Variants in DOCK1 observed in about 807,000 individuals in gnomAD.
DOCK1 encodes the protein dedicator of cytokinesis protein 1.
DOCK1 carries 138 observed loss-of-function variants against 262.7 expected under a neutral mutation model. That is an observed-to-expected ratio of 0.53 (90% CI 0.46 to 0.61). The LOEUF (loss-of-function observed/expected upper bound fraction) is 0.61, where lower values mean the gene tolerates loss of function less well. Among genes scored for constraint, DOCK1 ranks in the 20% least tolerant of loss-of-function variants. The pLI, the probability that DOCK1 is intolerant of heterozygous loss-of-function variation, is 0.00. For synonymous variants in DOCK1, 866 were observed against 867.4 expected (o/e 1.00, Z 0.03); for missense variants, 1,908 against 2,370.7 (o/e 0.80, Z 4.05).
intron 26 of DOCK1, among the ~76,000 whole-genome samples, chr10:127,126,344 C>T (rs574473202): frequency 6.6e-6 from 1 of 152,240 alleles, no homozygotes; most frequent in East Asian, 1.9e-4. Flanking sequence ...ATCCACCTGC[C>T]TCGGCCTCCC....
chr10:127,378,342 G>A (rs935585468), intron 35 of DOCK1, among the ~76,000 whole-genome samples: 1 of 152,138 alleles, frequency 6.6e-6, no homozygotes, highest in Non-Finnish European at 1.5e-5. Flanking sequence ...TTGGGGGGCC[G>A]GTCCCAATGG....
At chr10:127,286,494 A>T (rs533118688) in intron 29 of DOCK1, among the ~76,000 whole-genome samples, 1 of 152,190 alleles carries the variant, frequency 6.6e-6, no homozygotes, top group Non-Finnish European at 1.5e-5. Flanking sequence ...AATAGTAGTT[A>T]TACTATTACT....
At chr10:127,361,610 GAGATAA>G (rs2064455006) in intron 32 of DOCK1, among the ~76,000 whole-genome samples, 1 of 152,128 alleles carries the variant, frequency 6.6e-6, no homozygotes, top group African/African-American at 2.4e-5. Flanking sequence ...TAAGATGTGG[GAGATAA>G]AGAGGACTCA....
At chr10:126,937,876 A>G (rs1040683979) in intron 1 of DOCK1, among the ~76,000 whole-genome samples, 12 of 152,080 alleles carry the variant, frequency 7.9e-5, no homozygotes, top group Middle Eastern at 6.8e-3. Context: ...TTATCTTGTT[A>G]TTGTTGTTTT....
At chr10:127,368,969 A>G (rs989058442) in intron 33 of DOCK1, among the ~76,000 whole-genome samples, 14 of 152,354 alleles carry the variant, frequency 9.2e-5, no homozygotes, top group African/African-American at 1.9e-4. Context: ...AATATTTTCA[A>G]TCATGGAGCT....
At chr10:127,200,403 ATAT>A (rs1424446323) in intron 27 of DOCK1, among the ~76,000 whole-genome samples, 1 of 152,102 alleles carries the variant, frequency 6.6e-6, no homozygotes, top group Non-Finnish European at 1.5e-5. Context: ...GCAAGAATCG[ATAT>A]TATCTGTTTT....
At chr10:127,197,567 T>G (rs534007201) in intron 27 of DOCK1, among the ~76,000 whole-genome samples, 103 of 152,184 alleles carry the variant, frequency 6.8e-4, no homozygotes, top group Non-Finnish European at 1.3e-3. Context: ...TATTAGTCTG[T>G]TTCTCAGGAA....
intron 27 of DOCK1, among the ~76,000 whole-genome samples, chr10:127,135,101 T>A (rs989818202): frequency 6.6e-6 from 1 of 152,166 alleles, no homozygotes; most frequent in Non-Finnish European, 1.5e-5. Context: ...CAACACTCAA[T>A]GTATTTAGCC....
In DOCK1 at chr10:127,176,706, T is replaced by C. The variant is rs986540797; in HGVS notation, c.2847+48942T>C. On this transcript the variant is annotated intron_variant, in intron 27 of 51. Transcript: ENST00000623213. This position sits in a 1 kb window ranked among gnomAD's most constrained non-coding sequence, Gnocchi z 4.4. Reference sequence around the variant, plus strand: ...TTACTACATTCATCAAGAAACCCAATGATGCTGCCTCTTCTGCTTTGCAAA... The same window carrying C: ...TTACTACATTCATCAAGAAACCCAACGATGCTGCCTCTTCTGCTTTGCAAA... Among the ~76,000 whole-genome samples the C allele has an allele frequency of 6.6e-6, 1 of 152,226 alleles. No homozygotes were observed.
At chr10:127,346,214 C>T (rs921144087) in intron 31 of DOCK1, among the ~76,000 whole-genome samples, 20 of 152,188 alleles carry the variant, frequency 1.3e-4, no homozygotes, top group African/African-American at 4.6e-4. Flanking sequence ...GTGGTGGGGC[C>T]GAGCACCCCG....
At chr10:127,401,212 A>G (rs1311650581) in intron 38 of DOCK1, among the ~76,000 whole-genome samples, 1 of 151,994 alleles carries the variant, frequency 6.6e-6, no homozygotes, top group Non-Finnish European at 1.5e-5. Context: ...TCCCCTAGGA[A>G]CCTTTGGGGA....
At chr10:127,024,834 A>G in intron 15 of DOCK1, 51 bp downstream of exon 15, 1 of 1,464,956 alleles carries the variant, frequency 6.8e-7, no homozygotes, top group East Asian at 2.4e-5. Context: ...TGAAATGCTC[A>G]TTTGTAACCC....
intron 23 of DOCK1, among the ~76,000 whole-genome samples, chr10:127,096,693 C>G (rs1268872866): frequency 6.6e-6 from 1 of 151,638 alleles, no homozygotes; most frequent in Non-Finnish European, 1.5e-5. Context: ...CAGAGAGACA[C>G]TTACAACCTT....
chr10:126,907,633 G>T (rs1418462854), intron 1 of DOCK1, among the ~76,000 whole-genome samples: 4 of 152,166 alleles, frequency 2.6e-5, no homozygotes, highest in Non-Finnish European at 5.9e-5. Flanking sequence ...CCCCCAGAGA[G>T]ACCTGGATGG....
At chr10:127,146,816 G>C (rs1018056102) in intron 27 of DOCK1, among the ~76,000 whole-genome samples, 2 of 152,124 alleles carry the variant, frequency 1.3e-5, no homozygotes, top group African/African-American at 4.8e-5. Context: ...AGTGGGCTCC[G>C]GACAGGCTGG....
At chr10:126,974,196 G>A (rs1339982667) in intron 2 of DOCK1, among the ~76,000 whole-genome samples, 5 of 152,176 alleles carry the variant, frequency 3.3e-5, no homozygotes, top group Admixed American at 6.5e-5. Flanking sequence ...GGTCAAGGGC[G>A]TGCCAATCCT....
intron 27 of DOCK1, among the ~76,000 whole-genome samples, chr10:127,234,207 A>G (rs2058960618): frequency 6.6e-6 from 1 of 152,206 alleles, no homozygotes; most frequent in African/African-American, 2.4e-5. Context: ...TAGAAGCAGA[A>G]TTAAGACCTA....
rs1037576344 is a variant in DOCK1, at chr10:127,175,387, G to A, written c.2847+47623G>A. 3 of 1,613,754 alleles carry A rather than the reference G, an allele frequency of 1.9e-6. No homozygotes were observed. The highest frequency in any genetic ancestry group is 2.5e-6 in the Non-Finnish European group (3 of 1,180,052). On this transcript the variant is annotated intron_variant, in intron 27 of 51. Coordinates refer to ENST00000623213, the MANE Select transcript of DOCK1 (RefSeq NM_001290223.2). This position sits in a 1 kb window ranked among gnomAD's most constrained non-coding sequence, Gnocchi z 6.3. Reference sequence around the variant, plus strand: ...TCTTCACCTGCAGCAACCGCTGTGGGACTAGGCTGGTTCCCCAGCCCCGGC... The same window carrying A: ...TCTTCACCTGCAGCAACCGCTGTGGAACTAGGCTGGTTCCCCAGCCCCGGC...
chr10:127,281,744 AG>A (rs1228593439), intron 29 of DOCK1, among the ~76,000 whole-genome samples: 2 of 152,210 alleles, frequency 1.3e-5, no homozygotes, highest in Non-Finnish European at 2.9e-5. Flanking sequence ...ATCAAGAGCC[AG>A]GTTCCTTTTG....
Sources: allele counts gnomAD v4.1 joint callset (sites outside exome capture counted in the v4.1 genomes callset), GRCh38; gene constraint gnomAD v4.1.1; non-coding constraint Gnocchi (gnomAD v3.1); transcripts MANE v1.5; gene names NCBI Gene and HGNC (gene_info 2026-07-23, HGNC 2026-07-21).